The following ABCA13 variants were observed in gnomAD, a reference collection of about 807,000 sequenced individuals.
ABCA13 encodes the protein ATP-binding cassette sub-family A member 13.
A neutral mutation model predicts 478.7 loss-of-function variants in ABCA13; 476 were observed. That is an observed-to-expected ratio of 0.99 (90% CI 0.92 to 1.07). ABCA13 has a LOEUF of 1.07. Ranked by LOEUF, ABCA13 falls within the 50% of genes least tolerant of loss-of-function variation. The pLI, the probability that ABCA13 is intolerant of heterozygous loss-of-function variation, is 0.00. For missense variants in ABCA13, 6,060 were observed against 5,910.6 expected, an observed-to-expected ratio of 1.03 and a Z score of -0.83; for synonymous variants, 2,252 against 2,158.9, an observed-to-expected ratio of 1.04 and a Z score of -1.20.
chr7:48,626,626 T>C (rs553429244), intron 59 of ABCA13: 1 of 985,318 alleles, frequency 1.0e-6, no homozygotes, highest in Admixed American at 6.2e-5. Context: ...CAAACTGAAG[T>C]CAACTGGTGA....
At chr7:48,488,041 C>G (rs1047147948) in intron 47 of ABCA13, among the ~76,000 whole-genome samples, 12 of 151,980 alleles carry the variant, frequency 7.9e-5, no homozygotes, top group African/African-American at 2.9e-4. Context: ...ACTCACAGTT[C>G]TGTAGTTAGT....
intron 1 of ABCA13, among the ~76,000 whole-genome samples, chr7:48,183,811 G>T (rs36138102): frequency 6.6e-6 from 1 of 152,062 alleles, no homozygotes; most frequent in East Asian, 1.9e-4. Flanking sequence ...TCCCATTGAC[G>T]GGGTTTGCAT....
intron 31 of ABCA13, among the ~76,000 whole-genome samples, chr7:48,363,046 C>T (rs1443003218): frequency 6.6e-6 from 1 of 152,008 alleles, no homozygotes; most frequent in Admixed American, 6.6e-5. Flanking sequence ...TTGTTTTAGT[C>T]TTGCTTTTAC....
At chr7:48,411,049 T>TTCTTTCTTTCTTTTTC (rs1554499830) in intron 40 of ABCA13, among the ~76,000 whole-genome samples, 4 of 64,934 alleles carry the variant, frequency 6.2e-5, no homozygotes, top group African/African-American at 2.1e-4. Context: ...CTTTCTTTCT[T>TTCTTTCTTTCTTTTTC]TTTCTTTCTT....
intron 57 of ABCA13, among the ~76,000 whole-genome samples, chr7:48,591,364 T>G (rs545405529): frequency 6.6e-6 from 1 of 152,042 alleles, no homozygotes; most frequent in Non-Finnish European, 1.5e-5. Flanking sequence ...ACCATACTTT[T>G]TAAATTATAA....
At chr7:48,267,565 A>G (rs1006076663) in intron 15 of ABCA13, among the ~76,000 whole-genome samples, 11 of 152,130 alleles carry the variant, frequency 7.2e-5, no homozygotes, top group African/African-American at 1.7e-4. Context: ...GTTTTATCCA[A>G]TCTTACAAAT....
intron 39 of ABCA13, among the ~76,000 whole-genome samples, chr7:48,407,240 G>A (rs931018415): frequency 1.3e-5 from 2 of 151,966 alleles, no homozygotes; most frequent in Non-Finnish European, 2.9e-5. Context: ...TTGGGCGGCC[G>A]AGAGAAGTGG....
intron 59 of ABCA13, among the ~76,000 whole-genome samples, chr7:48,616,833 C>T (rs1046819862): frequency 4.6e-5 from 7 of 152,072 alleles, no homozygotes; most frequent in African/African-American, 1.7e-4. Flanking sequence ...CCAGCCTGAG[C>T]AACATAGTGA....
At position 48,594,774 on chromosome 7, in the gene ABCA13, A is replaced by C; in HGVS notation, c.14705A>C (p.Glu4902Ala). ...TACCTGTGGCAAACAATAATGAAGGAGGTTCGGGAAGGCTGTGCTGCGGTG... is the reference window on the plus strand; with the variant it reads ...TACCTGTGGCAAACAATAATGAAGGCGGTTCGGGAAGGCTGTGCTGCGGTG... ...KRYLWQTIMK[E>A]VREGCAAVLT... Residue 4902 changes from glutamate to alanine, a missense_variant, in exon 58 of 62, where the codon GAG becomes GCG. Coordinates refer to ENST00000435803, the MANE Select transcript of ABCA13 (RefSeq NM_152701.5). 6.2e-7 allele frequency: 1 copy of C among 1,613,936 alleles called. No homozygotes were observed. Among genetic ancestry groups the C allele is most frequent in the South Asian group, 1.1e-5 (1 of 91,086 alleles).
At chr7:48,599,531 C>A (rs1790661025) in intron 58 of ABCA13, among the ~76,000 whole-genome samples, 1 of 151,966 alleles carries the variant, frequency 6.6e-6, no homozygotes, top group Non-Finnish European at 1.5e-5. Flanking sequence ...GGCTGTCTTT[C>A]CATTTTATTA....
At chr7:48,313,008 G>T in intron 24 of ABCA13, 59 bp from the exon 25 acceptor site, 1 of 1,449,016 alleles carries the variant, frequency 6.9e-7, no homozygotes. Flanking sequence ...AGATGCTTCT[G>T]AGTGTAAAAA....
intron 29 of ABCA13, among the ~76,000 whole-genome samples, chr7:48,341,433 A>G (rs990398759): frequency 6.6e-6 from 1 of 152,008 alleles, no homozygotes; most frequent in Non-Finnish European, 1.5e-5. Context: ...TTTTGTTGTC[A>G]TGTTTTGTGG....
At chr7:48,321,591 G>C (rs1265738313) in intron 27 of ABCA13, among the ~76,000 whole-genome samples, 1 of 152,212 alleles carries the variant, frequency 6.6e-6, no homozygotes, top group African/African-American at 2.4e-5. Context: ...GTGTCTCTGA[G>C]CATGGAGTAG....
chr7:48,227,609 A>T (rs1485120245), intron 6 of ABCA13, among the ~76,000 whole-genome samples, 184 bp downstream of exon 6: 5 of 152,208 alleles, frequency 3.3e-5, no homozygotes. Context: ...CATATTTTAT[A>T]TACAGGCAGT....
At chr7:48,219,944 C>A (rs1453920911) in intron 4 of ABCA13, among the ~76,000 whole-genome samples, 1 of 147,410 alleles carries the variant, frequency 6.8e-6, no homozygotes, top group African/African-American at 2.5e-5. Context: ...ATTCCCAATT[C>A]ATTTCCTCCT....
intron 57 of ABCA13, among the ~76,000 whole-genome samples, chr7:48,593,988 T>C (rs534953837): frequency 3.0e-3 from 462 of 152,240 alleles, no homozygotes; most frequent in Non-Finnish European, 5.1e-3. Context: ...ATTCTGTTTT[T>C]CATTTTTGAC....
chr7:48,389,084 C>A lies in ABCA13; in HGVS notation c.11518C>A (p.Pro3840Thr), dbSNP rs866179038. Residue 3840 changes from proline to threonine, a missense_variant, in exon 37 of 62, where the codon CCG (proline) becomes ACG (threonine). Pro to Thr is a conservative substitution (Grantham distance 38). This residue lies in a region of ABCA13 where 1,627 missense variants were observed against 1,571.0 expected (regional missense o/e 1.04). Transcript: ENST00000435803. ...GGAAGGAGAGCTTGAAGGAAGTGCC[C>A]CGGGAGTCACCCTGGTGTCTGTGAC... Reference protein sequence around the residue: ...NREGELEGSAPGVTLVSVTKE... With the variant: ...NREGELEGSATGVTLVSVTKE... 9.3e-6 allele frequency: 15 copies of A among 1,613,748 alleles called. No homozygotes were observed.
At chr7:48,371,442 CCT>C (rs1812618703) in intron 32 of ABCA13, among the ~76,000 whole-genome samples, 1 of 152,108 alleles carries the variant, frequency 6.6e-6, no homozygotes, top group South Asian at 2.1e-4. Context: ...TTGTTTGTGT[CCT>C]CTCTTATTTC....
chr7:48,583,739 T>C (rs1788918366), intron 56 of ABCA13, among the ~76,000 whole-genome samples: 1 of 152,248 alleles, frequency 6.6e-6, no homozygotes. Context: ...TTTGGGATTT[T>C]AGGCAGTATT....
Sources: gnomAD v4.1 joint callset for allele counts (sites outside exome capture counted in the v4.1 genomes callset) on GRCh38, gnomAD v4.1.1 for gene constraint, gnomAD v4.1.1 regional missense constraint, MANE v1.5 for transcripts, NCBI Gene and HGNC (gene_info 2026-07-23, HGNC 2026-07-21) for gene names.